The following CCDC85A variants were observed in gnomAD, a reference collection of about 807,000 sequenced individuals.
The protein encoded by CCDC85A is coiled-coil domain-containing protein 85A.
A neutral mutation model predicts 50.2 loss-of-function variants in CCDC85A; 38 were observed. That is an observed-to-expected ratio of 0.76 (90% CI 0.58 to 0.99). CCDC85A has a LOEUF of 0.99. Ranked by LOEUF, CCDC85A falls within the 50% of genes least tolerant of loss-of-function variation. CCDC85A has a pLI of 0.00. For synonymous variants in CCDC85A, 366 were observed against 301.4 expected (o/e 1.21, Z -2.22); for missense variants, 820 against 742.0 (o/e 1.11, Z -1.22).
At chr2:56,197,513 T>G (rs547971100) in intron 2 of CCDC85A, among the ~76,000 whole-genome samples, 20 of 152,198 alleles carry the variant, frequency 1.3e-4, no homozygotes, top group Non-Finnish European at 2.8e-4. Context: ...CACTCTGAGA[T>G]GCAAATTGAA....
At chr2:56,252,756 C>T (rs760427914) in intron 2 of CCDC85A, among the ~76,000 whole-genome samples, 7 of 152,118 alleles carry the variant, frequency 4.6e-5, no homozygotes, top group South Asian at 2.1e-4. Flanking sequence ...CATGTGTTCT[C>T]GTTGCTCAAC....
chr2:56,347,127 C>A (rs928663537), intron 3 of CCDC85A, among the ~76,000 whole-genome samples: 11 of 152,256 alleles, frequency 7.2e-5, no homozygotes, highest in Admixed American at 2.0e-4. Context: ...TCTATACATA[C>A]TTACAAATAA....
chr2:56,342,349 C>T (rs1264225687), intron 2 of CCDC85A, among the ~76,000 whole-genome samples: 1 of 152,078 alleles, frequency 6.6e-6, no homozygotes, highest in East Asian at 1.9e-4. Context: ...AAAAGTCTTC[C>T]TCTGAAATGT....
chr2:56,348,734 G>A (rs1674754922), intron 3 of CCDC85A, among the ~76,000 whole-genome samples: 1 of 152,138 alleles, frequency 6.6e-6, no homozygotes, highest in South Asian at 2.1e-4. Flanking sequence ...CCTCACCACG[G>A]TGCTTATGCA....
chr2:56,258,668 A>T (rs1284369093), intron 2 of CCDC85A, among the ~76,000 whole-genome samples: 1 of 152,206 alleles, frequency 6.6e-6, no homozygotes, highest in Non-Finnish European at 1.5e-5. Context: ...TTGCAGACAA[A>T]ATTTAAATTG....
At chr2:56,338,829 C>A (rs1166953789) in intron 2 of CCDC85A, among the ~76,000 whole-genome samples, 1 of 151,574 alleles carries the variant, frequency 6.6e-6, no homozygotes. Context: ...GCTGATCTCA[C>A]AGTATATTCC....
chr2:56,328,296 A>G (rs917394494), intron 2 of CCDC85A, among the ~76,000 whole-genome samples: 4 of 152,140 alleles, frequency 2.6e-5, no homozygotes, highest in Admixed American at 1.3e-4. Context: ...TGCACCCAAG[A>G]GGAAGACATA....
intron 3 of CCDC85A, among the ~76,000 whole-genome samples, chr2:56,359,385 T>C (rs993769906): frequency 6.6e-6 from 1 of 152,192 alleles, no homozygotes; most frequent in East Asian, 1.9e-4. Flanking sequence ...TGTGATATCG[T>C]CGAATAGGAA....
intron 2 of CCDC85A, among the ~76,000 whole-genome samples, chr2:56,214,786 A>G (rs1274614225): frequency 6.6e-6 from 1 of 151,912 alleles, no homozygotes; most frequent in Non-Finnish European, 1.5e-5. Context: ...TGTAGTTTGA[A>G]GTAATTACAG....
intron 1 of CCDC85A, among the ~76,000 whole-genome samples, chr2:56,190,603 G>T (rs1676253511): frequency 6.6e-6 from 1 of 152,210 alleles, no homozygotes; most frequent in South Asian, 2.1e-4. Flanking sequence ...CTTATAAAAT[G>T]AGACCTGATG....
intron 2 of CCDC85A, among the ~76,000 whole-genome samples, chr2:56,320,423 A>C (rs1189945972): frequency 1.3e-5 from 2 of 152,154 alleles, no homozygotes; most frequent in Non-Finnish European, 2.9e-5. Flanking sequence ...AGAGAGAAGA[A>C]TCAAATAGAT....
intron 3 of CCDC85A, among the ~76,000 whole-genome samples, chr2:56,355,831 C>G (rs1044116354): frequency 2.0e-5 from 3 of 152,140 alleles, no homozygotes; most frequent in Admixed American, 1.3e-4. Context: ...ACCTAAAATG[C>G]CTCTCACTTG....
At chr2:56,251,807 G>T (rs1384857637) in intron 2 of CCDC85A, among the ~76,000 whole-genome samples, 1 of 151,968 alleles carries the variant, frequency 6.6e-6, no homozygotes, top group Admixed American at 6.6e-5. Context: ...CACTACTCCA[G>T]GATGGGCACT....
chr2:56,292,880 T>A (rs779226080), intron 2 of CCDC85A, among the ~76,000 whole-genome samples: 1 of 152,206 alleles, frequency 6.6e-6, no homozygotes, highest in African/African-American at 2.4e-5. Context: ...CAAACCTATA[T>A]TGGCATCACT....
At position 56,385,826 on chromosome 2, in the gene CCDC85A, T is replaced by G. The variant is rs779036261; in HGVS notation, c.*1471T>G. The G allele has an allele frequency of 1.3e-5, 2 of 151,748 alleles. No homozygotes were observed. The highest frequency in any genetic ancestry group is 6.6e-5 in the Admixed American group (1 of 15,184). 9.4% of individuals were successfully genotyped at this position (151,748 alleles called of 1,614,324 possible). A position where few individuals can be genotyped will look rare whatever the true frequency, so the allele number is the denominator to read the frequency against. On this transcript the variant is annotated 3_prime_UTR_variant, in exon 6 of 6. Coordinates refer to ENST00000407595, the MANE Select transcript of CCDC85A (RefSeq NM_001080433.2). ...AATTAATTTACTATAGAATTATCTC[T>G]CTAATTATCATAATTGGGTTACAAT...
chr2:56,328,582 C>T (rs185476711), intron 2 of CCDC85A, among the ~76,000 whole-genome samples: 138 of 152,310 alleles, frequency 9.1e-4, no homozygotes, highest in Admixed American at 2.0e-3. Context: ...TCTTCCCTTC[C>T]TCGTCTGGTG....
intron 2 of CCDC85A, among the ~76,000 whole-genome samples, chr2:56,216,718 T>C (rs539690482): frequency 3.3e-5 from 5 of 150,270 alleles, no homozygotes; most frequent in Non-Finnish European, 7.4e-5. Context: ...TTATTTGAAC[T>C]TTGCCACATT....
chr2:56,350,531 A>C (rs1168975617), intron 3 of CCDC85A, among the ~76,000 whole-genome samples: 1 of 152,220 alleles, frequency 6.6e-6, no homozygotes, highest in Non-Finnish European at 1.5e-5. Context: ...AGATTTTGGA[A>C]TATAGTTAAT....
At chr2:56,194,985 G>C (rs1339527498) in intron 2 of CCDC85A, among the ~76,000 whole-genome samples, 1 of 151,936 alleles carries the variant, frequency 6.6e-6, no homozygotes, top group Non-Finnish European at 1.5e-5. Flanking sequence ...CATGAAGCTT[G>C]TCTTTGAAGA....
Sources: gnomAD v4.1 joint callset for allele counts (sites outside exome capture counted in the v4.1 genomes callset) on GRCh38, gnomAD v4.1.1 for gene constraint, MANE v1.5 for transcripts, NCBI Gene and HGNC (gene_info 2026-07-23, HGNC 2026-07-21) for gene names.